The following PRKAG2 variants were observed in gnomAD, a reference collection of about 807,000 sequenced individuals.
PRKAG2 encodes the protein 5'-AMP-activated protein kinase subunit gamma-2.
In PRKAG2, 26 loss-of-function variants were observed where a neutral mutation model predicts 69.6. That is an observed-to-expected ratio of 0.37 (90% CI 0.27 to 0.52). PRKAG2 has a LOEUF of 0.52. PRKAG2 is among the 20% of genes least tolerant of loss of function. The probability of loss-of-function intolerance (pLI) is 0.90; values close to 1 mark genes in which losing one functional copy is unlikely to be tolerated. For missense variants in PRKAG2, 557 were observed against 740.0 expected (o/e 0.75, Z 2.87); for synonymous variants, 293 against 285.0 (o/e 1.03, Z -0.28).
chr7:151,836,176 T>C lies in PRKAG2; in HGVS notation c.114+40331A>G, dbSNP rs111700131. Among the ~76,000 whole-genome samples, 75 of 152,308 alleles carry C rather than the reference T, an allele frequency of 4.9e-4. No individual in the cohort carries two copies. Among genetic ancestry groups the C allele is most frequent in the Non-Finnish European group, 5.6e-4 (38 of 68,018 alleles). ...TGTCTTTGGAGCATTCCTTCCCCTA[T>C]AGCATGATTTCTCTTTTATGTTTTG... On this transcript the variant is annotated intron_variant, in intron 1 of 15. Transcript: ENST00000287878. This position sits in a 1 kb window ranked among gnomAD's most constrained non-coding sequence, Gnocchi z 4.1.
chr7:151,560,768 T>TA (rs1215125010), intron 14 of PRKAG2, 151 bp from the exon 15 acceptor site: 7 of 1,102,888 alleles, frequency 6.3e-6, no homozygotes, highest in Non-Finnish European at 9.1e-6. Context: ...ACAAAAACAT[T>TA]AGACAGTGGC....
At chr7:151,755,128 C>T (rs569076114) in intron 3 of PRKAG2, among the ~76,000 whole-genome samples, 99 of 152,250 alleles carry the variant, frequency 6.5e-4, no homozygotes, top group African/African-American at 2.1e-3. Flanking sequence ...TTATGTACAT[C>T]GGCCGGTTAT....
intron 1 of PRKAG2, among the ~76,000 whole-genome samples, chr7:151,858,224 G>A (rs921913630): frequency 3.3e-5 from 5 of 152,034 alleles, no homozygotes; most frequent in South Asian, 4.2e-4. Flanking sequence ...CTCCTGCACC[G>A]TGCCTACCCC....
At chr7:151,820,179 T>C (rs917379288) in intron 1 of PRKAG2, among the ~76,000 whole-genome samples, 3 of 152,244 alleles carry the variant, frequency 2.0e-5, no homozygotes, top group Non-Finnish European at 4.4e-5. Context: ...GGACTCGCTA[T>C]TCACGCCGGC....
chr7:151,766,004 G>A (rs1049218726), intron 3 of PRKAG2, among the ~76,000 whole-genome samples: 1 of 152,124 alleles, frequency 6.6e-6, no homozygotes, highest in African/African-American at 2.4e-5. Context: ...GTTTTGAGTG[G>A]CTATTGTGTG....
intron 3 of PRKAG2, among the ~76,000 whole-genome samples, chr7:151,758,911 G>A (rs988395818): frequency 3.9e-5 from 6 of 152,074 alleles, no homozygotes; most frequent in South Asian, 2.1e-4. Flanking sequence ...CTGAGGAGGC[G>A]GGAGACCATG....
chr7:151,557,803 G>C lies in PRKAG2; in HGVS notation c.1679-571C>G, dbSNP rs1042310264. ...GAGAATCGCTTGAATCCGGGAGGTG[G>C]AGGTTGCAGTGAGCCGAGAGATCAT... On this transcript the variant is annotated intron_variant, in intron 15 of 15. Coordinates refer to ENST00000287878, the MANE Select transcript of PRKAG2 (RefSeq NM_016203.4). 7 of 676,518 alleles carry C rather than the reference G, an allele frequency of 1.0e-5. No homozygotes were observed. In the African/African-American group the frequency reaches 1.4e-4, roughly 13 times the overall value. The allele number at this position is 676,518 out of a possible 1,614,324, so 41.9% of individuals were successfully genotyped here. A position where few individuals can be genotyped will look rare whatever the true frequency, so the allele number is the denominator to read the frequency against.
chr7:151,676,853 C>A (rs991454884), intron 3 of PRKAG2, among the ~76,000 whole-genome samples: 8 of 152,154 alleles, frequency 5.3e-5, no homozygotes. Flanking sequence ...GGAAAAGAGA[C>A]ACAGAAACGG....
At chr7:151,827,192 T>A (rs141893454) in intron 1 of PRKAG2, among the ~76,000 whole-genome samples, 4 of 152,324 alleles carry the variant, frequency 2.6e-5, no homozygotes, top group Admixed American at 2.6e-4. Flanking sequence ...ATTTAATCCA[T>A]CTGGGGTCCA....
intron 4 of PRKAG2, among the ~76,000 whole-genome samples, chr7:151,642,102 G>A (rs569085758): frequency 1.3e-4 from 19 of 150,890 alleles, no homozygotes; most frequent in Non-Finnish European, 2.5e-4. Context: ...TTGGGAGGCC[G>A]AGGCGGGTGG....
intron 1 of PRKAG2, among the ~76,000 whole-genome samples, chr7:151,798,562 G>A (rs2077675892): frequency 6.6e-6 from 1 of 152,166 alleles, no homozygotes; most frequent in South Asian, 2.1e-4. Flanking sequence ...GGATATACCT[G>A]CCTTGGCCTC....
chr7:151,581,302 T>C (rs1810419150), intron 6 of PRKAG2, among the ~76,000 whole-genome samples: 1 of 152,246 alleles, frequency 6.6e-6, no homozygotes, highest in Non-Finnish European at 1.5e-5. Flanking sequence ...TAGGCATTTA[T>C]TGCATGGTTT....
intron 1 of PRKAG2, among the ~76,000 whole-genome samples, chr7:151,866,646 C>A (rs1198248440): frequency 6.6e-6 from 1 of 152,134 alleles, no homozygotes; most frequent in Non-Finnish European, 1.5e-5. Flanking sequence ...GTGCTTATTA[C>A]AACATATGCT....
chr7:151,827,769 A>AAAAAC, intron 1 of PRKAG2, among the ~76,000 whole-genome samples: 1 of 150,400 alleles, frequency 6.6e-6, no homozygotes, highest in Middle Eastern at 3.4e-3. Context: ...AAAAAAAAAA[A>AAAAAC]AAAAACTGCC....
At chr7:151,643,356 C>T (rs1232543847) in intron 4 of PRKAG2, among the ~76,000 whole-genome samples, 1 of 152,204 alleles carries the variant, frequency 6.6e-6, no homozygotes, top group Non-Finnish European at 1.5e-5. Context: ...GATATAGTGT[C>T]ACAAGGCAGT....
intron 3 of PRKAG2, among the ~76,000 whole-genome samples, chr7:151,677,902 C>A (rs1042415390): frequency 6.6e-6 from 1 of 152,210 alleles, no homozygotes; most frequent in Non-Finnish European, 1.5e-5. Flanking sequence ...GCTCGATTTG[C>A]GAATCGTTCA....
chr7:151,728,067 C>T (rs941441667), intron 3 of PRKAG2, among the ~76,000 whole-genome samples: 1 of 152,160 alleles, frequency 6.6e-6, no homozygotes, highest in African/African-American at 2.4e-5. Flanking sequence ...CCAGGCCCAG[C>T]AGAGTGTTTG....
At chr7:151,569,325 G>C (rs1807011546) in intron 10 of PRKAG2, among the ~76,000 whole-genome samples, 1 of 151,986 alleles carries the variant, frequency 6.6e-6, no homozygotes, top group Non-Finnish European at 1.5e-5. Flanking sequence ...ATGAGCCCTT[G>C]CGCCCAGCCA....
In PRKAG2 at chr7:151,644,022, G is replaced by A. The variant is rs186797796; in HGVS notation, c.685-11884C>T. On this transcript the variant is annotated intron_variant, in intron 4 of 15. Transcript: ENST00000287878. ...TGTGTGTTCTCACTGATATGTGGGAGCTAAGCTATGAGGACGCAAAGGCAT... is the reference window on the plus strand; with the variant it reads ...TGTGTGTTCTCACTGATATGTGGGAACTAAGCTATGAGGACGCAAAGGCAT... Among the ~76,000 whole-genome samples the A allele has an allele frequency of 5.8e-4, 88 of 152,348 alleles. 1 individual carries two copies. Among genetic ancestry groups the A allele is most frequent in the African/African-American group, 1.8e-3 (74 of 41,580 alleles).
Sources: allele counts gnomAD v4.1 joint callset (sites outside exome capture counted in the v4.1 genomes callset), GRCh38; gene constraint gnomAD v4.1.1; non-coding constraint Gnocchi (gnomAD v3.1); transcripts MANE v1.5; gene names NCBI Gene and HGNC (gene_info 2026-07-23, HGNC 2026-07-21).